The following COL17A1 variants were observed in gnomAD, a reference collection of about 807,000 sequenced individuals.
COL17A1 encodes collagen alpha-1(XVII) chain.
In COL17A1, 181 loss-of-function variants were observed where a neutral mutation model predicts 218.4. The ratio of observed to expected loss-of-function variants is 0.83; its 90% CI spans 0.73 to 0.94. COL17A1 has a LOEUF of 0.94. COL17A1 is among the 40% of genes least tolerant of loss of function. The pLI, the probability that COL17A1 is intolerant of heterozygous loss-of-function variation, is 0.00. For missense variants in COL17A1, 1,924 were observed against 1,945.9 expected (o/e 0.99, Z 0.21); for synonymous variants, 721 against 731.0 (o/e 0.99, Z 0.22).
In COL17A1 at chr10:104,050,580, G is replaced by A. The variant is rs764991990; in HGVS notation, c.2128+41C>T. On this transcript the variant is annotated intron_variant, in intron 27 of 55. Coordinates refer to ENST00000648076, the MANE Select transcript of COL17A1 (RefSeq NM_000494.4). ...GTCCCATCTGGGCTCCCAGGAGTGA[G>A]GCAGGCCCTGGTAATGACAGAGCAG... The A allele has an allele frequency of 2.5e-6, 4 of 1,612,496 alleles. No homozygotes were observed. In the South Asian group the frequency reaches 4.4e-5, roughly 18 times the overall value.
Position 104,052,306 on chromosome 10 carries a change from C to T in COL17A1, c.1940-89G>A. On this transcript the variant is annotated intron_variant, in intron 23 of 55. Coordinates refer to ENST00000648076, the MANE Select transcript of COL17A1 (RefSeq NM_000494.4). The stretch of plus-strand genomic sequence containing the variant: ...GCACTGTCATTTGGAGGGGATGCTT[C>T]CCACCCTGCTAGTGGTCTTGGATCC... 3 of 1,549,446 alleles carry T rather than the reference C, an allele frequency of 1.9e-6. No homozygotes were observed. In the South Asian group the frequency reaches 3.3e-5, roughly 17 times the overall value.
At chr10:104,079,104 G>C (rs1338240644) in intron 2 of COL17A1, among the ~76,000 whole-genome samples, 1 of 152,172 alleles carries the variant, frequency 6.6e-6, no homozygotes, top group Non-Finnish European at 1.5e-5. Flanking sequence ...GGGAGTTGTG[G>C]GAAGGAAGGG....
At chr10:104,049,504 C>T in intron 28 of COL17A1, 33 bp from the exon 29 acceptor site, 2 of 1,611,234 alleles carry the variant, frequency 1.2e-6, no homozygotes, top group Non-Finnish European at 8.5e-7. Context: ...TGGTTGGACA[C>T]TTGCAAGCTG....
At chr10:104,067,304 T>A (rs1338000930) in intron 9 of COL17A1, among the ~76,000 whole-genome samples, 1 of 117,996 alleles carries the variant, frequency 8.5e-6, no homozygotes, top group Non-Finnish European at 1.6e-5. Flanking sequence ...AAGAGGAGAC[T>A]CCCTCTGCAT....
intron 33 of COL17A1, 143 bp downstream of exon 33, chr10:104,045,615 C>G: frequency 1.3e-6 from 1 of 777,462 alleles, no homozygotes; most frequent in South Asian, 1.4e-5. Flanking sequence ...CCTGGGCTCC[C>G]AGCCTCATAG....
chr10:104,083,437 C>G (rs949049863), intron 1 of COL17A1, among the ~76,000 whole-genome samples: 1 of 152,158 alleles, frequency 6.6e-6, no homozygotes, highest in Non-Finnish European at 1.5e-5. Flanking sequence ...GCTCTCAATT[C>G]CAAAATTATA....
rs984747785 is a variant in COL17A1 at position 104,036,512 on chromosome 10, C to T, written c.3398G>A (p.Arg1133His). 80 of 1,613,866 alleles carry T rather than the reference C, an allele frequency of 5.0e-5. No individual in the cohort carries two copies. The East Asian group carries it at 1.5e-3, about 30-fold the overall frequency. Residue 1133 changes from arginine to histidine, a missense_variant, in exon 48 of 56, where the codon CGC becomes CAC. Physicochemically the swap from Arg to His is conservative, Grantham distance 29. Coordinates refer to ENST00000648076, the MANE Select transcript of COL17A1 (RefSeq NM_000494.4). Reference protein sequence around the residue: ...LSLDYAELSSRILSYMSSSGI... With the variant: ...LSLDYAELSSHILSYMSSSGI... ...CTTACTCGACATGTAGCTGAGAATGCGACTACTCAGCTCTGCATAGTCCAA... is the reference window on the plus strand; with the variant it reads ...CTTACTCGACATGTAGCTGAGAATGTGACTACTCAGCTCTGCATAGTCCAA...
chr10:104,056,026 G>A, intron 17 of COL17A1, 23 bp from the exon 18 acceptor site: 1 of 1,613,698 alleles, frequency 6.2e-7, no homozygotes, highest in Non-Finnish European at 8.5e-7. Flanking sequence ...GACACACACT[G>A]CGTCACTGAG....
rs184917605 is a variant in COL17A1 at position 104,033,939 on chromosome 10, A to T, written c.4156+6T>A. On this transcript the variant is annotated splice_donor_region_variant and intron_variant, in intron 52 of 55. Transcript: ENST00000648076. The stretch of plus-strand genomic sequence containing the variant: ...CCAGCACCAAGGCCTAAATGTCCCC[A>T]CTTACGCTGCATGCTCTCTGACACC... 139 of 1,614,124 alleles carry T rather than the reference A, an allele frequency of 8.6e-5. No individual in the cohort carries two copies. In the African/African-American group the frequency reaches 1.7e-3, roughly 19 times the overall value.
At position 104,040,391 on chromosome 10, in the gene COL17A1, G is replaced by A; in HGVS notation, c.2721C>T (p.Pro907=). The A allele has an allele frequency of 1.2e-6, 2 of 1,611,266 alleles. No individual in the cohort carries two copies. Among genetic ancestry groups the A allele is most frequent in the Non-Finnish European group, 1.7e-6 (2 of 1,177,468 alleles). ...GACCTGGGGGGCCAGGTGGGCCTGG[G>A]GGGCCGGAGAGGAAGGTTTCTGCAG... ...LSNSETFLSG[P]PGPPGPPGPK... Residue 907 remains proline, a synonymous_variant, in exon 40 of 56, where the codon CCC becomes CCT. Coordinates refer to ENST00000648076, the MANE Select transcript of COL17A1 (RefSeq NM_000494.4).
At chr10:104,034,893 T>C in intron 50 of COL17A1, 126 bp from the exon 51 acceptor site, 7 of 1,180,302 alleles carry the variant, frequency 5.9e-6, no homozygotes, top group Non-Finnish European at 7.2e-6. Context: ...TCCCGGGTGA[T>C]GGGAGGAGAG....
chr10:104,036,964 C>T (rs1347861861), intron 47 of COL17A1, 81 bp downstream of exon 47: 21 of 1,316,914 alleles, frequency 1.6e-5, no homozygotes, highest in East Asian at 9.9e-5. Context: ...AAGGCTCAGA[C>T]GAGGACAAGG....
At position 104,076,343 on chromosome 10, in the gene COL17A1, T is replaced by C. The variant is rs139344319; in HGVS notation, c.289A>G (p.Thr97Ala). The change falls in exon 5 of 56, where the codon ACC becomes GCC. Residue 97 changes from threonine to alanine, a missense_variant. Physicochemically the swap from Thr to Ala is moderately conservative, Grantham distance 58. Transcript: ENST00000648076. Reference protein sequence around the residue: ...ASTLPNSPGSTFERKTHVTRH... With the variant: ...ASTLPNSPGSAFERKTHVTRH... ...GTAACGTGAGTTTTCCTTTCAAAGG[T>C]TGAGCCTGGGGAGTTGGGCAGAGTG... 173 of 1,614,112 alleles carry C rather than the reference T, an allele frequency of 1.1e-4. No homozygotes were observed. The African/African-American group carries it at 2.0e-3, about 18-fold the overall frequency.
chr10:104,052,100 T>C (rs1473086307), intron 24 of COL17A1, 55 bp downstream of exon 24: 40 of 1,612,074 alleles, frequency 2.5e-5, no homozygotes, highest in Non-Finnish European at 3.4e-5. Context: ...TGATCCATCC[T>C]GAATGTGGCT....
chr10:104,055,428 A>G (rs1442319276), intron 18 of COL17A1, 27 bp from the exon 19 acceptor site: 3 of 1,590,586 alleles, frequency 1.9e-6, no homozygotes, highest in African/African-American at 2.9e-5. Context: ...ATCCTGAGTC[A>G]GCTTCACATC....
At chr10:104,062,920 C>A (rs149595220) in intron 11 of COL17A1, among the ~76,000 whole-genome samples, 1 of 152,320 alleles carries the variant, frequency 6.6e-6, no homozygotes, top group South Asian at 2.1e-4. Flanking sequence ...ATTTAGGGCA[C>A]AATATCAAGG....
chr10:104,046,701 C>T, intron 32 of COL17A1, 46 bp downstream of exon 32: 3 of 1,607,672 alleles, frequency 1.9e-6, no homozygotes, highest in Non-Finnish European at 1.7e-6. Flanking sequence ...GCAGTTACCC[C>T]AGGAGAAGGT....
chr10:104,038,469 G>A lies in COL17A1; in HGVS notation c.3007C>T (p.Pro1003Ser). The change falls in exon 45 of 56, where the codon CCT becomes TCT. Residue 1003 changes from proline to serine, a missense_variant. By Grantham distance (74) the Pro-to-Ser change is moderately conservative. Transcript: ENST00000648076. Reference sequence around the variant, plus strand: ...CCAGAGCTGCTGATAGAGCCCGGAGGCCCAGGGGGCCCAGGGGGCCCTGGC... The same window carrying A: ...CCAGAGCTGCTGATAGAGCCCGGAGACCCAGGGGGCCCAGGGGGCCCTGGC... The part of the protein sequence containing the change: ...GPPGPPGPPG[P>S]PGSISSSGQE... The A allele has an allele frequency of 6.2e-7, 1 of 1,613,008 alleles. No homozygotes were observed. Among genetic ancestry groups the A allele is most frequent in the Non-Finnish European group, 8.5e-7 (1 of 1,179,468 alleles).
chr10:104,054,902 G>GT, intron 20 of COL17A1, 79 bp downstream of exon 20: 1 of 1,608,294 alleles, frequency 6.2e-7, no homozygotes, highest in Non-Finnish European at 8.5e-7. Context: ...TGCAAGGTGG[G>GT]TTTTCTGACA....
Sources: gnomAD v4.1 joint callset for allele counts (sites outside exome capture counted in the v4.1 genomes callset) on GRCh38, gnomAD v4.1.1 for gene constraint, MANE v1.5 for transcripts, NCBI Gene and HGNC (gene_info 2026-07-23, HGNC 2026-07-21) for gene names.